The following SRL variants were observed in gnomAD, a reference collection of about 807,000 sequenced individuals.
SRL encodes the protein sarcalumenin.
SRL carries 23 observed loss-of-function variants against 39.5 expected under a neutral mutation model. The observed-to-expected ratio is 0.58, with a 90% confidence interval of 0.42 to 0.82. SRL has a LOEUF of 0.82. Ranked by LOEUF, SRL falls within the 40% of genes least tolerant of loss-of-function variation. The probability of loss-of-function intolerance (pLI) is 0.00; values close to 1 mark genes in which losing one functional copy is unlikely to be tolerated. For missense variants in SRL, 592 were observed against 607.8 expected, an observed-to-expected ratio of 0.97 and a Z score of 0.27; for synonymous variants, 272 against 237.4, an observed-to-expected ratio of 1.15 and a Z score of -1.34.
rs12325416 is a variant in SRL, at chr16:4,201,458, G to T, written c.259+1708C>A. Among the ~76,000 whole-genome samples the T allele has an allele frequency of 3.8e-3, 567 of 150,624 alleles. 17 individuals carry two copies. Among genetic ancestry groups the T allele is most frequent in the African/African-American group, 0.013 (533 of 40,452 alleles). The stretch of plus-strand genomic sequence containing the variant: ...CACCCAGCCAATTTTTGGATTTTTA[G>T]TAGAGGCAGGGTTCTGCCATGTTGG... On this transcript the variant is annotated intron_variant, in intron 3 of 5. Transcript: ENST00000399609.
Position 4,204,594 on chromosome 16 carries a change from G to T in SRL, c.102C>A (p.Asp34Glu). Residue 34 changes from aspartate (D) to glutamate (E), a missense_variant, in exon 2 of 6, where the codon GAC (aspartate) becomes GAA (glutamate). Physicochemically the swap from Asp to Glu is conservative, Grantham distance 45 (BLOSUM62 2). Transcript: ENST00000399609. ...EDANEEAPLR[D>E]RSHIEKTLML... is the part of the protein sequence containing the mutation. ...TGAGGGTCTTCTCGATGTGGGAGCG[G>T]TCCCTCAATGGGGCTTCTTCATTTG... 1 of 1,614,174 alleles carries T rather than the reference G, an allele frequency of 6.2e-7. No individual in the cohort carries two copies. The highest frequency in any genetic ancestry group is 8.5e-7 in the Non-Finnish European group (1 of 1,180,038).
chr16:4,238,261 C>T (rs2052733916), intron 1 of SRL, among the ~76,000 whole-genome samples: 1 of 152,158 alleles, frequency 6.6e-6, no homozygotes, highest in Admixed American at 6.5e-5. Flanking sequence ...CCTCCCTGCT[C>T]CCCACTCCCC....
At chr16:4,220,572 C>T (rs908805026) in intron 1 of SRL, among the ~76,000 whole-genome samples, 12 of 152,194 alleles carry the variant, frequency 7.9e-5, no homozygotes, top group African/African-American at 2.9e-4. Flanking sequence ...GAGCTGCAGG[C>T]TCCATCCCGC....
At chr16:4,218,380 G>C in intron 1 of SRL, among the ~76,000 whole-genome samples, 1 of 152,184 alleles carries the variant, frequency 6.6e-6, no homozygotes, top group East Asian at 1.9e-4. Context: ...CACGGTCGGA[G>C]GGAGGTCATT....
chr16:4,235,239 G>A (rs893311537), intron 1 of SRL, among the ~76,000 whole-genome samples: 2 of 152,214 alleles, frequency 1.3e-5, no homozygotes, highest in South Asian at 2.1e-4. Context: ...GAGCAAACTC[G>A]GGAGAGAACA....
intron 3 of SRL, among the ~76,000 whole-genome samples, chr16:4,198,281 TG>T (rs909915380): frequency 3.9e-5 from 6 of 152,176 alleles, no homozygotes; most frequent in African/African-American, 1.4e-4. Context: ...GGAGAGAATC[TG>T]GGTTGAGAAT....
intron 3 of SRL, among the ~76,000 whole-genome samples, chr16:4,199,862 A>G (rs555136222): frequency 6.9e-6 from 1 of 145,764 alleles, no homozygotes; most frequent in Non-Finnish European, 1.5e-5. Flanking sequence ...ACGCCTGGCT[A>G]ATTTTTGTAT....
At chr16:4,232,491 C>G (rs1399139958) in intron 1 of SRL, among the ~76,000 whole-genome samples, 6 of 152,044 alleles carry the variant, frequency 3.9e-5, no homozygotes, top group Admixed American at 6.6e-5. Flanking sequence ...CTTGGTCAAG[C>G]CTTTACCTAT....
At chr16:4,219,515 G>A (rs1424663537) in intron 1 of SRL, among the ~76,000 whole-genome samples, 3 of 152,142 alleles carry the variant, frequency 2.0e-5, no homozygotes, top group Non-Finnish European at 4.4e-5. Flanking sequence ...GTGCAGTAGC[G>A]CGATATCGGC....
intron 3 of SRL, among the ~76,000 whole-genome samples, chr16:4,201,304 TCTCA>T (rs751760433): frequency 1.3e-5 from 2 of 151,602 alleles, no homozygotes; most frequent in African/African-American, 4.9e-5. Context: ...TGAGATGGAG[TCTCA>T]CTCTGTCACC....
At chr16:4,216,697 G>A (rs2052464598) in intron 1 of SRL, among the ~76,000 whole-genome samples, 1 of 152,210 alleles carries the variant, frequency 6.6e-6, no homozygotes, top group African/African-American at 2.4e-5. Flanking sequence ...GATCAGCCGT[G>A]CCTGCAGTGA....
At chr16:4,218,798 G>A (rs546151993) in intron 1 of SRL, among the ~76,000 whole-genome samples, 3 of 152,214 alleles carry the variant, frequency 2.0e-5, no homozygotes, top group Non-Finnish European at 4.4e-5. Context: ...ACAGAAGCCG[G>A]CGGTTCCCAA....
At chr16:4,205,105 T>C (rs2052301844) in intron 1 of SRL, among the ~76,000 whole-genome samples, 1 of 152,086 alleles carries the variant, frequency 6.6e-6, no homozygotes, top group South Asian at 2.1e-4. Flanking sequence ...GGAGGATCAC[T>C]GGAGCCCAAA....
At chr16:4,217,662 T>C (rs969849347) in intron 1 of SRL, among the ~76,000 whole-genome samples, 2 of 152,230 alleles carry the variant, frequency 1.3e-5, no homozygotes, top group African/African-American at 4.8e-5. Context: ...CCATAAAATG[T>C]AGATAACAAT....
chr16:4,195,417 T>G, intron 5 of SRL, 136 bp downstream of exon 5: 1 of 864,350 alleles, frequency 1.2e-6, no homozygotes, highest in South Asian at 1.6e-5. Context: ...AGGCTGGTCT[T>G]GAACCTCCGG....
intron 3 of SRL, among the ~76,000 whole-genome samples, chr16:4,201,345 C>T (rs777133583): frequency 3.9e-5 from 6 of 151,952 alleles, no homozygotes; most frequent in Non-Finnish European, 8.8e-5. Context: ...GGCACAATCT[C>T]GGCTCACTGC....
At chr16:4,209,606 G>A (rs2141041072) in intron 1 of SRL, among the ~76,000 whole-genome samples, 1 of 152,318 alleles carries the variant, frequency 6.6e-6, no homozygotes, top group African/African-American at 2.4e-5. Context: ...CCCAAAAGCT[G>A]GGTGGCCTCC....
intron 1 of SRL, among the ~76,000 whole-genome samples, chr16:4,228,536 C>G (rs907825335): frequency 3.2e-4 from 49 of 151,890 alleles, no homozygotes; most frequent in Admixed American, 5.3e-4. Context: ...GAGATCGAGA[C>G]CATCCTGGCT....
At position 4,197,811 on chromosome 16, in the gene SRL, G is replaced by T. The variant is rs1489349087; in HGVS notation, c.364C>A (p.Gln122Lys). The T allele has an allele frequency of 3.7e-6, 6 of 1,604,320 alleles. No individual in the cohort carries two copies. Among genetic ancestry groups the T allele is most frequent in the Non-Finnish European group, 5.1e-6 (6 of 1,171,180 alleles). The change falls in exon 4 of 6, where the codon CAG becomes AAG. Residue 122 changes from glutamine to lysine, a missense_variant. Physicochemically the swap from Gln to Lys is moderately conservative, Grantham distance 53. Coordinates refer to ENST00000399609, the MANE Select transcript of SRL (RefSeq NM_001098814.2). ...GAATATTGATTACCTGTATAGAGCT[G>T]ATAGCGAGTATTTTCCAGCCCAAGG... is the stretch of plus-strand genomic sequence containing the variant. ...YLLGLENTRY[Q>K]LYTGAEPTTS... is the part of the protein sequence containing the mutation.
Sources: gnomAD v4.1 joint callset for allele counts (sites outside exome capture counted in the v4.1 genomes callset) on GRCh38, gnomAD v4.1.1 for gene constraint, MANE v1.5 for transcripts, NCBI Gene and HGNC (gene_info 2026-07-23, HGNC 2026-07-21) for gene names.